The following KCNK2 variants were observed in gnomAD, a reference collection of about 807,000 sequenced individuals.
KCNK2 encodes potassium two pore domain channel subfamily K member 2, also known as potassium channel subfamily K member 2.
In KCNK2, 21 loss-of-function variants were observed where a neutral mutation model predicts 40.5. The observed-to-expected ratio is 0.52, with a 90% CI of 0.37 to 0.75. The LOEUF is 0.75. Ranked by LOEUF, KCNK2 falls within the 30% of genes least tolerant of loss-of-function variation. The pLI is 0.00. For synonymous variants in KCNK2, 191 were observed against 202.2 expected, an observed-to-expected ratio of 0.94 and a Z score of 0.47; for missense variants, 399 against 531.6, an observed-to-expected ratio of 0.75 and a Z score of 2.45.
intron 1 of KCNK2, among the ~76,000 whole-genome samples, chr1:215,062,014 A>G (rs1050975630): frequency 3.3e-5 from 5 of 152,204 alleles, no homozygotes; most frequent in Non-Finnish European, 7.4e-5. Context: ...AATAAATTAT[A>G]CAACAGTTTG....
upstream of KCNK2, among the ~76,000 whole-genome samples, chr1:215,078,410 A>T (rs1558079670): frequency 6.6e-6 from 1 of 152,252 alleles, no homozygotes. Flanking sequence ...AAAGAGGTTT[A>T]ATTAATTCAT....
At chr1:215,109,423 T>A (rs901667471) in intron 2 of KCNK2, among the ~76,000 whole-genome samples, 1 of 152,130 alleles carries the variant, frequency 6.6e-6, no homozygotes, top group Non-Finnish European at 1.5e-5. Flanking sequence ...GGGATTTACT[T>A]CTTTTAGCGC....
chr1:215,085,347 A>G (rs1659382688), intron 1 of KCNK2, among the ~76,000 whole-genome samples: 1 of 152,176 alleles, frequency 6.6e-6, no homozygotes, highest in East Asian at 1.9e-4. Flanking sequence ...TCTTTCCACA[A>G]AATGTCCTGT....
At chr1:215,036,713 T>C (rs1226814501) in intron 1 of KCNK2, among the ~76,000 whole-genome samples, 2 of 151,906 alleles carry the variant, frequency 1.3e-5, no homozygotes, top group African/African-American at 2.4e-5. Context: ...CAATGTTTTG[T>C]AGTATTCAAT....
At chr1:215,062,293 G>A (rs1046409851) in intron 1 of KCNK2, among the ~76,000 whole-genome samples, 1 of 152,054 alleles carries the variant, frequency 6.6e-6, no homozygotes, top group East Asian at 2.0e-4. Flanking sequence ...GCAAACAAAG[G>A]CAGTCAGTAC....
At chr1:215,096,872 AG>A (rs1000174756) in intron 2 of KCNK2, among the ~76,000 whole-genome samples, 2 of 151,982 alleles carry the variant, frequency 1.3e-5, no homozygotes, top group African/African-American at 4.8e-5. Context: ...AGCCTATCAC[AG>A]TTATCCTAGG....
chr1:215,099,663 A>C (rs1286078611), intron 2 of KCNK2, among the ~76,000 whole-genome samples: 1 of 151,952 alleles, frequency 6.6e-6, no homozygotes, highest in Non-Finnish European at 1.5e-5. Flanking sequence ...GGGGGATCTC[A>C]GTAGACCCCA....
chr1:215,140,560 A>G (rs2102600154), intron 3 of KCNK2, among the ~76,000 whole-genome samples: 1 of 152,308 alleles, frequency 6.6e-6, no homozygotes, highest in African/African-American at 2.4e-5. Context: ...CAAGTGTTAG[A>G]TAATGGTAAG....
At chr1:215,090,560 A>C (rs993689455) in intron 2 of KCNK2, among the ~76,000 whole-genome samples, 3 of 152,222 alleles carry the variant, frequency 2.0e-5, no homozygotes, top group Admixed American at 1.3e-4. Flanking sequence ...GGATTATATC[A>C]GCATTTTCCC....
At chr1:215,117,858 T>A (rs753206005) in intron 2 of KCNK2, among the ~76,000 whole-genome samples, 2 of 152,116 alleles carry the variant, frequency 1.3e-5, no homozygotes, top group Non-Finnish European at 2.9e-5. Flanking sequence ...ATGGGTCTAG[T>A]ATCCTGCTGC....
intron 1 of KCNK2, among the ~76,000 whole-genome samples, chr1:215,049,803 A>G (rs755820267): frequency 1.3e-5 from 2 of 152,124 alleles, no homozygotes; most frequent in Non-Finnish European, 2.9e-5. Context: ...GTGAAAAATT[A>G]GTTGGGGCTA....
intron 6 of KCNK2, among the ~76,000 whole-genome samples, chr1:215,224,836 A>G (rs1666320368): frequency 6.6e-6 from 1 of 152,162 alleles, no homozygotes; most frequent in Non-Finnish European, 1.5e-5. Context: ...TAAAATTTAT[A>G]CCATTGAAAA....
upstream of KCNK2, chr1:215,081,852 C>G (rs1659167976): frequency 6.6e-6 from 1 of 152,200 alleles, no homozygotes; most frequent in South Asian, 2.1e-4. Flanking sequence ...TGGCTTTCTT[C>G]CCCTCCTTGG....
intron 3 of KCNK2, among the ~76,000 whole-genome samples, chr1:215,125,339 T>G (rs1661370435): frequency 6.6e-6 from 1 of 152,180 alleles, no homozygotes; most frequent in African/African-American, 2.4e-5. Flanking sequence ...TTAATCGCAT[T>G]GTTTGTTATA....
intron 1 of KCNK2, among the ~76,000 whole-genome samples, chr1:215,083,933 G>A (rs1278455815): frequency 6.6e-6 from 1 of 152,188 alleles, no homozygotes; most frequent in African/African-American, 2.4e-5. Context: ...TAGTGACGGT[G>A]CTGAGTGTGT....
At chr1:215,119,189 C>CAGA (rs1183158461) in intron 2 of KCNK2, among the ~76,000 whole-genome samples, 1 of 152,148 alleles carries the variant, frequency 6.6e-6, no homozygotes, top group African/African-American at 2.4e-5. Flanking sequence ...GTTGGACTGA[C>CAGA]AGAAACATTT....
chr1:215,074,404 T>G (rs899189284), intron 1 of KCNK2, among the ~76,000 whole-genome samples: 8 of 152,234 alleles, frequency 5.3e-5, no homozygotes, highest in African/African-American at 1.9e-4. Context: ...ATACATCCTC[T>G]TTTTGCTTTT....
intron 5 of KCNK2, among the ~76,000 whole-genome samples, chr1:215,176,636 G>A (rs1663988177): frequency 6.6e-6 from 1 of 152,078 alleles, no homozygotes; most frequent in African/African-American, 2.4e-5. Context: ...ATGGCTTCCA[G>A]CTCCAACCAT....
At chr1:215,063,352 G>T in intron 1 of KCNK2, among the ~76,000 whole-genome samples, 1 of 152,324 alleles carries the variant, frequency 6.6e-6, no homozygotes, top group African/African-American at 2.4e-5. Context: ...AAGGAGAAAA[G>T]ATTAGAAACA....
Sources: allele counts gnomAD v4.1 joint callset (sites outside exome capture counted in the v4.1 genomes callset), GRCh38; gene constraint gnomAD v4.1.1; transcripts MANE v1.5; gene names NCBI Gene and HGNC (gene_info 2026-07-23, HGNC 2026-07-21).